Variants in DPP10 observed in about 807,000 individuals in gnomAD.
DPP10 encodes the protein inactive dipeptidyl peptidase 10.
Under a neutral mutation model 120.9 loss-of-function variants are expected in DPP10, and 33 were observed. The observed-to-expected ratio is 0.27, with a 90% confidence interval of 0.21 to 0.37. DPP10 has a LOEUF of 0.37. Ranked by LOEUF, DPP10 falls within the 10% of genes least tolerant of loss-of-function variation. The probability of loss-of-function intolerance (pLI) is 1.00; values close to 1 mark genes in which losing one functional copy is unlikely to be tolerated. For missense variants in DPP10, 816 were observed against 942.8 expected, an observed-to-expected ratio of 0.87 and a Z score of 1.76; for synonymous variants, 337 against 326.1, an observed-to-expected ratio of 1.03 and a Z score of -0.36.
intron 3 of DPP10, among the ~76,000 whole-genome samples, chr2:115,367,786 A>C (rs1470030059): frequency 1.3e-5 from 2 of 152,036 alleles, no homozygotes; most frequent in Admixed American, 1.3e-4. Flanking sequence ...GTTATGGTAA[A>C]ATTAAAATTC....
chr2:115,114,130 A>G (rs2049375300), intron 1 of DPP10, among the ~76,000 whole-genome samples: 1 of 152,110 alleles, frequency 6.6e-6, no homozygotes, highest in African/African-American at 2.4e-5. Flanking sequence ...CAGCTCCCCA[A>G]ACACTTACTA....
At position 115,264,443 on chromosome 2, in the gene DPP10, CAT is replaced by C. The variant is rs146193791; in HGVS notation, c.61-44795_61-44794del. Among the ~76,000 whole-genome samples, 547 of 152,274 alleles carry C rather than the reference CAT, an allele frequency of 3.6e-3. 3 individuals carry two copies. The highest frequency in any genetic ancestry group is 0.013 in the African/African-American group (534 of 41,560). On this transcript the variant is annotated intron_variant, in intron 1 of 25. Transcript: ENST00000410059. ...GATCGCATAAACAAGTCAAACCACA[CAT>C]GTGCATCTACATCCTGGTTGGATAC...
intron 1 of DPP10, among the ~76,000 whole-genome samples, chr2:114,785,093 C>T (rs943809861): frequency 6.6e-6 from 1 of 152,112 alleles, no homozygotes; most frequent in African/African-American, 2.4e-5. Flanking sequence ...TTCTGGTCAC[C>T]GGATGGTTGA....
intron 1 of DPP10, among the ~76,000 whole-genome samples, chr2:115,048,742 C>G (rs149499246): frequency 7.9e-5 from 12 of 152,162 alleles, no homozygotes; most frequent in Non-Finnish European, 1.8e-4. Context: ...TATATGTATT[C>G]TCCTACACTT....
chr2:114,626,826 C>T (rs191166079), intron 1 of DPP10, among the ~76,000 whole-genome samples: 7 of 152,216 alleles, frequency 4.6e-5, no homozygotes, highest in Admixed American at 6.6e-5. Flanking sequence ...GTGTGATTTA[C>T]GAGTTGGCAT....
At chr2:115,674,695 A>G (rs62157885) in intron 5 of DPP10, among the ~76,000 whole-genome samples, 11,801 of 152,274 alleles carry the variant, frequency 0.077, 648 homozygotes, top group Non-Finnish European at 0.11. Flanking sequence ...CCAGCTGAAT[A>G]TGCATGAAGT....
intron 1 of DPP10, among the ~76,000 whole-genome samples, chr2:114,453,183 A>G (rs13416799): frequency 0.14 from 20,955 of 152,084 alleles, 3,523 homozygotes; most frequent in African/African-American, 0.4. Context: ...ACAGACATAT[A>G]AGTTGCACCA....
At chr2:115,828,048 T>C (rs1688555663) in intron 21 of DPP10, among the ~76,000 whole-genome samples, 1 of 152,152 alleles carries the variant, frequency 6.6e-6, no homozygotes, top group South Asian at 2.1e-4. Flanking sequence ...AAGAACATCC[T>C]TTAAATTACC....
chr2:115,756,168 A>T (rs1320605768), intron 11 of DPP10, among the ~76,000 whole-genome samples: 1 of 152,124 alleles, frequency 6.6e-6, no homozygotes, highest in East Asian at 1.9e-4. Context: ...CATTGTGCTT[A>T]TAAGAGTCTG....
intron 4 of DPP10, among the ~76,000 whole-genome samples, chr2:115,512,131 C>T (rs2077263719): frequency 6.6e-6 from 1 of 151,542 alleles, no homozygotes; most frequent in South Asian, 2.1e-4. Flanking sequence ...GACAAAGTCT[C>T]ACTCTGTTGC....
At chr2:115,198,730 G>T (rs1265633857) in intron 1 of DPP10, among the ~76,000 whole-genome samples, 1 of 152,098 alleles carries the variant, frequency 6.6e-6, no homozygotes, top group Non-Finnish European at 1.5e-5. Context: ...CTTAAGATCA[G>T]TGAAGAAGAT....
At chr2:115,676,842 AT>A (rs2090304018) in intron 5 of DPP10, among the ~76,000 whole-genome samples, 2 of 152,188 alleles carry the variant, frequency 1.3e-5, no homozygotes, top group African/African-American at 4.8e-5. Context: ...AAGCTCAAAT[AT>A]TTCCATGTAG....
At chr2:115,530,317 A>G (rs954775442) in intron 5 of DPP10, among the ~76,000 whole-genome samples, 17 of 152,130 alleles carry the variant, frequency 1.1e-4, no homozygotes, top group African/African-American at 3.6e-4. Context: ...ATATGACACA[A>G]ACATTTATAT....
intron 5 of DPP10, among the ~76,000 whole-genome samples, chr2:115,611,640 A>G (rs559559576): frequency 8.5e-5 from 13 of 152,278 alleles, no homozygotes; most frequent in African/African-American, 3.1e-4. Context: ...AGAGAATGTT[A>G]TAGAATTATT....
intron 3 of DPP10, among the ~76,000 whole-genome samples, chr2:115,377,474 T>G (rs1181767451): frequency 6.6e-6 from 1 of 152,204 alleles, no homozygotes; most frequent in Non-Finnish European, 1.5e-5. Flanking sequence ...ATGAGTAGAT[T>G]GCAAAAATTT....
At chr2:114,460,566 T>C (rs59004846) in intron 1 of DPP10, among the ~76,000 whole-genome samples, 2,919 of 152,278 alleles carry the variant, frequency 0.019, 91 homozygotes, top group African/African-American at 0.067. Context: ...ATTTAACTTA[T>C]TTATGACACA....
chr2:115,508,211 C>T (rs34230284), intron 4 of DPP10, among the ~76,000 whole-genome samples: 30,407 of 151,988 alleles, frequency 0.2, 3,736 homozygotes, highest in East Asian at 0.39. Context: ...AGAACATAGA[C>T]ATGCAATCCA....
intron 1 of DPP10, among the ~76,000 whole-genome samples, chr2:115,174,551 T>C (rs2105087945): frequency 6.6e-6 from 1 of 152,328 alleles, no homozygotes; most frequent in East Asian, 1.9e-4. Flanking sequence ...TCTAACTTTA[T>C]AGACTGTGGG....
intron 4 of DPP10, among the ~76,000 whole-genome samples, chr2:115,513,368 A>G (rs1374072808): frequency 6.6e-6 from 1 of 151,908 alleles, no homozygotes; most frequent in Non-Finnish European, 1.5e-5. Context: ...ATTTTCATTT[A>G]ATGCAATTAT....
Sources: allele counts gnomAD v4.1 joint callset (sites outside exome capture counted in the v4.1 genomes callset), GRCh38; gene constraint gnomAD v4.1.1; transcripts MANE v1.5; gene names NCBI Gene and HGNC (gene_info 2026-07-23, HGNC 2026-07-21).